The following TBC1D22A variants were observed in gnomAD, a reference collection of about 807,000 sequenced individuals.
TBC1D22A encodes the protein TBC1 domain family member 22A, also known as putative GTPase activator.
Under a neutral mutation model 60.2 loss-of-function variants are expected in TBC1D22A, and 38 were observed. That is an observed-to-expected ratio of 0.63 (90% CI 0.49 to 0.83). TBC1D22A has a LOEUF of 0.83. Among genes scored for constraint, TBC1D22A ranks in the 40% least tolerant of loss-of-function variants. The pLI is 0.00. For missense variants in TBC1D22A, 628 were observed against 701.0 expected, an observed-to-expected ratio of 0.90 and a Z score of 1.18; for synonymous variants, 302 against 281.7, an observed-to-expected ratio of 1.07 and a Z score of -0.72.
chr22:46,876,097 G>C (rs1047970117), intron 4 of TBC1D22A, among the ~76,000 whole-genome samples: 1 of 152,212 alleles, frequency 6.6e-6, no homozygotes, highest in Non-Finnish European at 1.5e-5. Context: ...AAGTGGCGAC[G>C]TCACAGAAAC....
chr22:46,815,312 C>T (rs535409548), intron 4 of TBC1D22A, among the ~76,000 whole-genome samples: 1 of 152,338 alleles, frequency 6.6e-6, no homozygotes, highest in Admixed American at 6.5e-5. Context: ...CCTGCGGTTC[C>T]CTGCTGGCCC....
At chr22:47,005,866 C>A (rs944066863) in intron 10 of TBC1D22A, among the ~76,000 whole-genome samples, 2 of 138,298 alleles carry the variant, frequency 1.4e-5, no homozygotes, top group East Asian at 2.0e-4. Flanking sequence ...TATACAGACA[C>A]CCCCATATAC....
At chr22:46,895,083 T>C (rs1360371093) in intron 7 of TBC1D22A, among the ~76,000 whole-genome samples, 1 of 152,220 alleles carries the variant, frequency 6.6e-6, no homozygotes, top group Non-Finnish European at 1.5e-5. Context: ...TACATATGTG[T>C]GGATGTATGC....
intron 9 of TBC1D22A, among the ~76,000 whole-genome samples, chr22:46,974,635 C>T (rs547567217): frequency 9.8e-5 from 15 of 152,326 alleles, no homozygotes; most frequent in East Asian, 3.9e-4. Flanking sequence ...AGTGGGAAGG[C>T]GAGGTGCAGA....
At chr22:47,000,266 C>CAG (rs1476947678) in intron 10 of TBC1D22A, among the ~76,000 whole-genome samples, 6 of 151,838 alleles carry the variant, frequency 4.0e-5, no homozygotes, top group Non-Finnish European at 8.8e-5. Context: ...CAGGAGCGAG[C>CAG]AGAGAGCTGG....
chr22:47,058,099 C>G (rs1285465355), intron 11 of TBC1D22A, among the ~76,000 whole-genome samples: 1 of 152,210 alleles, frequency 6.6e-6, no homozygotes, highest in African/African-American at 2.4e-5. Context: ...CCCAGCAGAT[C>G]TGAGCTCCGG....
At chr22:46,930,718 C>T (rs1454488520) in intron 8 of TBC1D22A, among the ~76,000 whole-genome samples, 1 of 151,980 alleles carries the variant, frequency 6.6e-6, no homozygotes, top group African/African-American at 2.4e-5. Context: ...CTGCCTCGGC[C>T]TCCCAAAGTG....
chr22:46,908,892 T>C (rs2069685481), intron 7 of TBC1D22A, among the ~76,000 whole-genome samples: 1 of 152,268 alleles, frequency 6.6e-6, no homozygotes, highest in Non-Finnish European at 1.5e-5. Flanking sequence ...GAGGCTGTGC[T>C]CAGGCAGAAC....
chr22:46,902,844 G>A (rs150451906), intron 7 of TBC1D22A, among the ~76,000 whole-genome samples: 275 of 152,358 alleles, frequency 1.8e-3, no homozygotes, highest in Admixed American at 3.1e-3. Flanking sequence ...CCTCAGCAGC[G>A]CACAGTTGAA....
intron 10 of TBC1D22A, among the ~76,000 whole-genome samples, chr22:46,999,853 G>C (rs1165330866): frequency 6.6e-6 from 1 of 152,132 alleles, no homozygotes; most frequent in Non-Finnish European, 1.5e-5. Flanking sequence ...GTGAAACCCT[G>C]TCTCTACTAA....
chr22:46,898,152 C>T (rs1447510764), intron 7 of TBC1D22A, among the ~76,000 whole-genome samples: 5 of 152,200 alleles, frequency 3.3e-5, no homozygotes, highest in Middle Eastern at 3.4e-3. Context: ...TTATTTTTTC[C>T]TACCACTTGC....
chr22:47,120,969 A>G (rs2066250485), intron 12 of TBC1D22A, among the ~76,000 whole-genome samples: 1 of 152,240 alleles, frequency 6.6e-6, no homozygotes, highest in Non-Finnish European at 1.5e-5. Context: ...AACATCATAA[A>G]CAAAATTCAA....
chr22:47,125,967 G>T (rs988349575), intron 12 of TBC1D22A, among the ~76,000 whole-genome samples: 1 of 152,110 alleles, frequency 6.6e-6, no homozygotes, highest in Admixed American at 6.5e-5. Flanking sequence ...GGAAGGTGAT[G>T]ATGTTTCCTT....
chr22:46,854,604 T>C lies in TBC1D22A; in HGVS notation c.638-24049T>C, dbSNP rs1475161069. 2.0e-5 allele frequency among the ~76,000 whole-genome samples: 3 copies of C among 152,178 alleles called. No individual in the cohort carries two copies. The East Asian group carries it at 5.8e-4, about 29-fold the overall frequency. On this transcript the variant is annotated intron_variant, in intron 4 of 12. Transcript: ENST00000337137. ...TCCTTCAGCCTTTCCTTTCTGCCTT[T>C]GATGGGTCTGCCCTAGATCAGACCT... is the stretch of plus-strand genomic sequence containing the variant.
intron 1 of TBC1D22A, among the ~76,000 whole-genome samples, chr22:46,769,550 C>T (rs548030209): frequency 5.9e-5 from 9 of 152,158 alleles, no homozygotes; most frequent in African/African-American, 1.9e-4. Flanking sequence ...GTCCCGCTTC[C>T]GCCGAGACCT....
intron 11 of TBC1D22A, among the ~76,000 whole-genome samples, chr22:47,093,310 G>C (rs5767480): frequency 0.47 from 70,818 of 152,030 alleles, 17,142 homozygotes; most frequent in East Asian, 0.59. Context: ...GGTGACCTTG[G>C]ATCTCTCCTC....
intron 10 of TBC1D22A, among the ~76,000 whole-genome samples, chr22:47,022,004 C>G (rs1313226652): frequency 6.6e-6 from 1 of 152,224 alleles, no homozygotes; most frequent in East Asian, 1.9e-4. Flanking sequence ...CCCTTCCACT[C>G]CACAGGCTGG....
chr22:46,792,379 A>G (rs2084450339), intron 1 of TBC1D22A, 141 bp from the exon 2 acceptor site: 1 of 1,125,664 alleles, frequency 8.9e-7, no homozygotes, highest in South Asian at 1.3e-5. Context: ...GGGTGGCTGC[A>G]GGGGGGCCTG....
rs373672315 is a variant in TBC1D22A at position 46,893,087 on chromosome 22, C to G, written c.837+1693C>G. 3.3e-5 allele frequency among the ~76,000 whole-genome samples: 5 copies of G among 152,244 alleles called. No homozygotes were observed. The East Asian group carries it at 9.6e-4, about 29-fold the overall frequency. On this transcript the variant is annotated intron_variant, in intron 6 of 12. Transcript: ENST00000337137. Reference sequence around the variant, plus strand: ...ACTGAGCCCGACCAGCCGTCTGACCCGCAGTGGGCAATGCCACCCCTGCAC... The same window carrying G: ...ACTGAGCCCGACCAGCCGTCTGACCGGCAGTGGGCAATGCCACCCCTGCAC...
Sources: allele counts gnomAD v4.1 joint callset (sites outside exome capture counted in the v4.1 genomes callset), GRCh38; gene constraint gnomAD v4.1.1; transcripts MANE v1.5; gene names NCBI Gene and HGNC (gene_info 2026-07-23, HGNC 2026-07-21).